Variants in VWF observed in about 807,000 individuals in gnomAD.
The protein encoded by VWF is von Willebrand factor.
Under a neutral mutation model 308.6 loss-of-function variants are expected in VWF, and 176 were observed. That is an observed-to-expected ratio of 0.57 (90% CI 0.50 to 0.65). The LOEUF (loss-of-function observed/expected upper bound fraction) is 0.65, where lower values mean the gene tolerates loss of function less well. Ranked by LOEUF, VWF falls within the 30% of genes least tolerant of loss-of-function variation. The pLI, the probability that VWF is intolerant of heterozygous loss-of-function variation, is 0.00. For missense variants in VWF, 3,146 were observed against 3,648.2 expected (o/e 0.86, Z 3.55); for synonymous variants, 1,385 against 1,443.4 (o/e 0.96, Z 0.92).
At chr12:5,975,182 G>T (rs1278120111) in intron 43 of VWF, among the ~76,000 whole-genome samples, 1 of 152,198 alleles carries the variant, frequency 6.6e-6, no homozygotes, top group Non-Finnish European at 1.5e-5. Context: ...GAAGGGCCTG[G>T]GTTTCGGGAT....
intron 34 of VWF, among the ~76,000 whole-genome samples, chr12:6,008,342 C>A (rs1943953025): frequency 6.6e-6 from 1 of 152,020 alleles, no homozygotes; most frequent in African/African-American, 2.4e-5. Context: ...GGGATTTATC[C>A]CTCAGATAGG....
chr12:5,981,481 C>A (rs1373725645), intron 42 of VWF, among the ~76,000 whole-genome samples: 3 of 152,164 alleles, frequency 2.0e-5, no homozygotes, highest in African/African-American at 4.8e-5. Context: ...TTATTTGTAA[C>A]CTCAGCACCT....
chr12:6,044,329 T>G lies in VWF; in HGVS notation c.2404A>C (p.Met802Leu), dbSNP rs1361735958. ...CQNYDLECMSMGCVSGCLCPP... is the reference protein window; with the variant it reads ...CQNYDLECMSLGCVSGCLCPP... ...CAGAGGCAGCCAGAGACACAGCCCA[T>G]GCTCATGCACTCCAGGTCATAGTTC... Residue 802 changes from methionine (M) to leucine (L), a missense_variant, in exon 18 of 52, where the codon ATG becomes CTG. By Grantham distance (15) the Met-to-Leu change is conservative (BLOSUM62 2). Coordinates refer to ENST00000261405, the MANE Select transcript of VWF (RefSeq NM_000552.5). The G allele has an allele frequency of 6.2e-6, 10 of 1,614,060 alleles. No homozygotes were observed. In the Admixed American group the frequency reaches 1.7e-4, roughly 27 times the overall value.
At chr12:6,087,985 G>C (rs1376114123) in intron 6 of VWF, among the ~76,000 whole-genome samples, 1 of 152,160 alleles carries the variant, frequency 6.6e-6, no homozygotes, top group African/African-American at 2.4e-5. Context: ...TGGTCACAGA[G>C]ACTGTGCCTC....
At position 6,022,180 on chromosome 12, in the gene VWF, C is replaced by A; in HGVS notation, c.3539-145G>T. On this transcript the variant is annotated intron_variant, in intron 26 of 51. Coordinates refer to ENST00000261405, the MANE Select transcript of VWF (RefSeq NM_000552.5). ...CCTGCACTCCCAGGGGTCACCCCATCACTCAAGGAGCATCTCTCCTGCTTG... is the reference window on the plus strand; with the variant it reads ...CCTGCACTCCCAGGGGTCACCCCATAACTCAAGGAGCATCTCTCCTGCTTG... 2.6e-6 allele frequency: 3 copies of A among 1,162,952 alleles called. No homozygotes were observed. The South Asian group carries it at 3.7e-5, about 14-fold the overall frequency. The allele number at this position is 1,162,952 out of a possible 1,614,324, so 72.0% of individuals were successfully genotyped here.
Position 6,072,321 on chromosome 12 carries a change from C to A in VWF, c.1109+10G>T. ...AGGTCTCCCAGAGCACGCTGCGCAG[C>A]CCCCATTACCAGGTGTTGCAGTCTC... On this transcript the variant is annotated intron_variant, in intron 9 of 51. Transcript: ENST00000261405. 6.2e-7 allele frequency: 1 copy of A among 1,613,330 alleles called. No individual in the cohort carries two copies. The highest frequency in any genetic ancestry group is 8.5e-7 in the Non-Finnish European group (1 of 1,179,482).
chr12:5,999,463 T>TACACACATACACACACAC (rs1565824854), intron 34 of VWF, among the ~76,000 whole-genome samples: 1 of 109,878 alleles, frequency 9.1e-6, no homozygotes, highest in African/African-American at 3.9e-5. Context: ...GATCCACATG[T>TACACACATACACACACAC]ACACACATAC....
At chr12:5,987,133 G>T (rs529348944) in intron 38 of VWF, among the ~76,000 whole-genome samples, 1 of 151,980 alleles carries the variant, frequency 6.6e-6, no homozygotes, top group African/African-American at 2.4e-5. Flanking sequence ...CACCATGTTG[G>T]CCAGGCTGGG....
chr12:5,960,749 A>AC (rs1348589014), intron 47 of VWF, among the ~76,000 whole-genome samples: 3 of 152,224 alleles, frequency 2.0e-5, no homozygotes, highest in Non-Finnish European at 2.9e-5. Context: ...GTCATCTTAA[A>AC]ATATACAGCA....
chr12:5,959,553 G>C (rs1001436388), intron 47 of VWF, among the ~76,000 whole-genome samples: 7 of 152,056 alleles, frequency 4.6e-5, no homozygotes, highest in Admixed American at 4.6e-4. Context: ...TATTCACAAA[G>C]ACAGACCAAA....
intron 45 of VWF, 134 bp from the exon 46 acceptor site, chr12:5,968,301 C>A: frequency 2.8e-6 from 3 of 1,077,504 alleles, no homozygotes; most frequent in South Asian, 2.9e-5. Context: ...TTTCCCCCCA[C>A]CCCACAACCC....
intron 47 of VWF, chr12:5,953,901 A>C: frequency 3.3e-6 from 1 of 300,726 alleles, no homozygotes. Context: ...TCATCTTGAG[A>C]CTTGCATCCA....
At chr12:6,078,374 T>A (rs559791151) in intron 6 of VWF, among the ~76,000 whole-genome samples, 2 of 152,200 alleles carry the variant, frequency 1.3e-5, no homozygotes, top group South Asian at 4.1e-4. Context: ...CCATCCTCAC[T>A]GCCAAGTTGG....
rs528744637 is a variant in VWF, at chr12:6,111,206, C to T, written c.221-238G>A. On this transcript the variant is annotated intron_variant, in intron 3 of 51. Transcript: ENST00000261405. ...TGCCCTCAGGTAGGCTCTCAAACAT[C>T]ACAAAAGAAAAATCTAAAAGCATGA... Among the ~76,000 whole-genome samples, 6 of 152,228 alleles carry T rather than the reference C, an allele frequency of 3.9e-5. No individual in the cohort carries two copies. In the South Asian group the frequency reaches 1.2e-3, roughly 32 times the overall value.
At position 5,994,520 on chromosome 12, in the gene VWF, T is replaced by C; in HGVS notation, c.6151A>G (p.Arg2051Gly). The C allele has an allele frequency of 6.2e-7, 1 of 1,614,088 alleles. No homozygotes were observed. Among genetic ancestry groups the C allele is most frequent in the East Asian group, 2.2e-5 (1 of 44,886 alleles). The change falls in exon 36 of 52, where the codon AGA becomes GGA. Residue 2051 changes from arginine (R) to glycine (G), a missense_variant. Around this residue, in one of 3 missense-constraint regions of VWF, gnomAD observed 989 missense variants for 1,117.4 expected, o/e 0.89. Coordinates refer to ENST00000261405, the MANE Select transcript of VWF (RefSeq NM_000552.5). ...NVYGAIMHEVRFNHLGHIFTF... is the reference protein window; with the variant it reads ...NVYGAIMHEVGFNHLGHIFTF... ...AAGATGTGACCAAGGTGATTGAATC[T>C]GACCTCATGCATGATGGCACCATAA... is the stretch of plus-strand genomic sequence containing the variant.
At chr12:6,120,768 G>C (rs1473948885) in intron 3 of VWF, among the ~76,000 whole-genome samples, 3 of 152,174 alleles carry the variant, frequency 2.0e-5, no homozygotes, top group Admixed American at 6.5e-5. Context: ...CAGGAATACA[G>C]GAAGTCCTCA....
Position 6,110,642 on chromosome 12 carries a change from C to T in VWF, c.324-60G>A, listed in dbSNP as rs150411483. ...CTTGTGCATTTTCTGGATGTCTCTC[C>T]CACCTTCTAACCCCAACCCCATGTT... is the stretch of plus-strand genomic sequence containing the variant. On this transcript the variant is annotated intron_variant, in intron 4 of 51. Transcript: ENST00000261405. The T allele has an allele frequency of 4.4e-3, 6,887 of 1,566,600 alleles. 26 individuals carry two copies. Among genetic ancestry groups the T allele is most frequent in the Non-Finnish European group, 4.9e-3 (5,529 of 1,138,022 alleles).
At chr12:6,072,196 G>A in intron 9 of VWF, 135 bp downstream of exon 9, 1 of 751,908 alleles carries the variant, frequency 1.3e-6, no homozygotes, top group East Asian at 2.6e-5. Flanking sequence ...GCCCCCACCA[G>A]TAGCCTCCAA....
chr12:6,048,731 G>A (rs1391263225), intron 16 of VWF, among the ~76,000 whole-genome samples: 2 of 152,234 alleles, frequency 1.3e-5, no homozygotes, highest in African/African-American at 4.8e-5. Flanking sequence ...CCAAAGTGCT[G>A]GGATTACAGG....
Sources: allele counts gnomAD v4.1 joint callset (sites outside exome capture counted in the v4.1 genomes callset), GRCh38; gene constraint gnomAD v4.1.1; regional missense constraint gnomAD v4.1.1; transcripts MANE v1.5; gene names NCBI Gene and HGNC (gene_info 2026-07-23, HGNC 2026-07-21).